The following EML6 variants were observed in gnomAD, a reference collection of about 807,000 sequenced individuals.
EML6 encodes the protein EMAP like 6.
Under a neutral mutation model 240.1 loss-of-function variants are expected in EML6, and 154 were observed. That is an observed-to-expected ratio of 0.64 (90% confidence interval 0.56 to 0.73). EML6 has a LOEUF of 0.73. Ranked by LOEUF, EML6 falls within the 30% of genes least tolerant of loss-of-function variation. EML6 has a pLI of 0.00. For synonymous variants in EML6, 1,148 were observed against 899.0 expected, an observed-to-expected ratio of 1.28 and a Z score of -4.95; for missense variants, 2,964 against 2,474.6, an observed-to-expected ratio of 1.20 and a Z score of -4.20.
chr2:54,742,507 G>A (rs1027411714), intron 2 of EML6, among the ~76,000 whole-genome samples: 2 of 152,184 alleles, frequency 1.3e-5, no homozygotes, highest in Non-Finnish European at 2.9e-5. Context: ...TGCCACTGTA[G>A]CATTTTCTCC....
At chr2:54,799,327 C>T (rs565763497) in intron 2 of EML6, among the ~76,000 whole-genome samples, 3 of 152,016 alleles carry the variant, frequency 2.0e-5, no homozygotes, top group African/African-American at 7.3e-5. Flanking sequence ...TCTCAAAGTG[C>T]TGGGATTACA....
intron 28 of EML6, among the ~76,000 whole-genome samples, chr2:54,945,402 C>G (rs571170252): frequency 6.6e-6 from 1 of 151,718 alleles, no homozygotes; most frequent in East Asian, 1.9e-4. Context: ...TCCAAGGACA[C>G]TTTGAACATT....
intron 7 of EML6, 124 bp from the exon 8 acceptor site, chr2:54,843,923 A>G (rs1669604634): frequency 5.6e-6 from 4 of 711,850 alleles, no homozygotes; most frequent in Non-Finnish European, 7.1e-6. Flanking sequence ...GATGTGTCAC[A>G]TTTGATGGTA....
At chr2:54,911,502 T>C (rs1456629460) in intron 25 of EML6, among the ~76,000 whole-genome samples, 3 of 151,918 alleles carry the variant, frequency 2.0e-5, no homozygotes, top group Non-Finnish European at 4.4e-5. Context: ...CCATCTTGGC[T>C]CACTGCAACC....
intron 2 of EML6, among the ~76,000 whole-genome samples, chr2:54,801,730 C>A: frequency 6.6e-6 from 1 of 152,254 alleles, no homozygotes; most frequent in South Asian, 2.1e-4. Flanking sequence ...ATTGTAAGAA[C>A]CTAATGCAAT....
intron 4 of EML6, among the ~76,000 whole-genome samples, chr2:54,817,283 T>A (rs1282195921): frequency 6.6e-6 from 1 of 152,236 alleles, no homozygotes; most frequent in Non-Finnish European, 1.5e-5. Flanking sequence ...GACAACTTCG[T>A]GATTCTTTGT....
At chr2:54,818,606 A>G (rs1668185113) in intron 4 of EML6, among the ~76,000 whole-genome samples, 1 of 152,264 alleles carries the variant, frequency 6.6e-6, no homozygotes, top group Non-Finnish European at 1.5e-5. Context: ...TGTTTGCTCA[A>G]TTCAACTCTG....
chr2:54,788,446 T>G (rs1043327272), intron 2 of EML6, among the ~76,000 whole-genome samples: 2 of 152,104 alleles, frequency 1.3e-5, no homozygotes. Context: ...TCTGGTCATG[T>G]GTCCACGCTT....
At chr2:54,789,872 G>A (rs1388135224) in intron 2 of EML6, among the ~76,000 whole-genome samples, 2 of 152,166 alleles carry the variant, frequency 1.3e-5, no homozygotes, top group Non-Finnish European at 2.9e-5. Context: ...GTAAGTACAG[G>A]GAGAGCTTTA....
chr2:54,829,956 C>T lies in EML6; in HGVS notation c.847+479C>T, dbSNP rs576581344. ...ATGAGAGAGTTAAGAAATTGAACGG[C>T]AGTCTCAAATTTCGGGGCATCTGTT... On this transcript the variant is annotated intron_variant, in intron 7 of 41. Transcript: ENST00000356458. Among the ~76,000 whole-genome samples the T allele has an allele frequency of 1.8e-3, 279 of 152,240 alleles. 2 individuals carry two copies. Among genetic ancestry groups the T allele is most frequent in the African/African-American group, 6.4e-3 (265 of 41,540 alleles).
At chr2:54,935,209 A>C (rs774289193) in intron 28 of EML6, among the ~76,000 whole-genome samples, 2 of 152,034 alleles carry the variant, frequency 1.3e-5, no homozygotes, top group Non-Finnish European at 2.9e-5. Flanking sequence ...GTACCTTTGA[A>C]AGTGTCTGTT....
At chr2:54,944,296 A>G (rs1413359646) in intron 28 of EML6, among the ~76,000 whole-genome samples, 1 of 152,134 alleles carries the variant, frequency 6.6e-6, no homozygotes, top group Non-Finnish European at 1.5e-5. Context: ...TCTCTGTCTC[A>G]TTCCATGATA....
intron 2 of EML6, among the ~76,000 whole-genome samples, chr2:54,794,540 T>C (rs1030707030): frequency 1.3e-5 from 2 of 152,128 alleles, no homozygotes; most frequent in African/African-American, 4.8e-5. Flanking sequence ...TCAGCACCCC[T>C]CTGGCTTCTG....
At chr2:54,869,961 A>G (rs568798871) in intron 15 of EML6, among the ~76,000 whole-genome samples, 56 of 152,336 alleles carry the variant, frequency 3.7e-4, no homozygotes, top group Admixed American at 1.2e-3. Flanking sequence ...AGACTTTATT[A>G]AACACAGATG....
At chr2:54,779,570 T>C (rs1488287440) in intron 2 of EML6, among the ~76,000 whole-genome samples, 1 of 127,004 alleles carries the variant, frequency 7.9e-6, no homozygotes, top group African/African-American at 3.1e-5. Context: ...AAAAAGAATA[T>C]AGGAAGGAGG....
chr2:54,731,509 C>T (rs979232305), intron 2 of EML6, among the ~76,000 whole-genome samples: 7 of 151,906 alleles, frequency 4.6e-5, no homozygotes, highest in Non-Finnish European at 8.8e-5. Context: ...GGCATGGTGG[C>T]GTGTGCCTAT....
rs891261053 is a variant in EML6, at chr2:54,963,980, A to G, written c.5158-6A>G. ...GCTCAGGTGACTTTCCTTTGCATCAATGTAGAAGCTGTTAAACAAGGTGAG... is the reference window on the plus strand; with the variant it reads ...GCTCAGGTGACTTTCCTTTGCATCAGTGTAGAAGCTGTTAAACAAGGTGAG... On this transcript the variant is annotated splice_polypyrimidine_tract_variant and splice_region_variant and intron_variant, in intron 36 of 41. Coordinates refer to ENST00000356458, the MANE Select transcript of EML6 (RefSeq NM_001039753.4). 23 of 1,548,720 alleles carry G rather than the reference A, an allele frequency of 1.5e-5. No homozygotes were observed. The highest frequency in any genetic ancestry group is 1.2e-4 in the East Asian group (5 of 40,838).
chr2:54,849,721 C>A (rs1669967672), intron 9 of EML6, among the ~76,000 whole-genome samples: 2 of 152,218 alleles, frequency 1.3e-5, no homozygotes, highest in Non-Finnish European at 2.9e-5. Context: ...ATCTCCTGAC[C>A]TCGTGATCCG....
At chr2:54,849,026 C>T (rs571557091) in intron 9 of EML6, among the ~76,000 whole-genome samples, 1 of 152,248 alleles carries the variant, frequency 6.6e-6, no homozygotes, top group Admixed American at 6.5e-5. Context: ...CTCCCTTTCT[C>T]CATGGCGTAT....
Sources: allele counts gnomAD v4.1 joint callset (sites outside exome capture counted in the v4.1 genomes callset), GRCh38; gene constraint gnomAD v4.1.1; transcripts MANE v1.5; gene names NCBI Gene and HGNC (gene_info 2026-07-23, HGNC 2026-07-21).